VEZF1: variants seen among roughly 807,000 people sequenced by gnomAD.
The protein encoded by VEZF1 is vascular endothelial zinc finger 1.
A neutral mutation model predicts 44.1 loss-of-function variants in VEZF1; 5 were observed. The observed-to-expected ratio is 0.11, with a 90% CI of 0.06 to 0.24. The LOEUF (loss-of-function observed/expected upper bound fraction) is 0.24. VEZF1 is among the 10% of genes least tolerant of loss of function. The pLI, the probability that VEZF1 is intolerant of heterozygous loss-of-function variation, is 1.00. For missense variants in VEZF1, 358 were observed against 641.8 expected (o/e 0.56, Z 4.78); for synonymous variants, 236 against 233.1 (o/e 1.01, Z -0.11).
intron 3 of VEZF1, 112 bp downstream of exon 3, chr17:57,981,761 C>T (rs2075251532): frequency 1.1e-6 from 1 of 927,308 alleles, no homozygotes; most frequent in Non-Finnish European, 1.6e-6. Flanking sequence ...GCCACATTTA[C>T]TCAGGTCAGT....
intron 1 of VEZF1, chr17:57,985,421 A>C: frequency 8.2e-7 from 1 of 1,224,640 alleles, no homozygotes; most frequent in Non-Finnish European, 1.0e-6. Flanking sequence ...CCACACTTCT[A>C]CAAGAAGCCT....
At chr17:57,980,498 G>A in intron 4 of VEZF1, 105 bp downstream of exon 4, 1 of 1,120,124 alleles carries the variant, frequency 8.9e-7, no homozygotes, top group South Asian at 1.5e-5. Flanking sequence ...TTGGCAATAG[G>A]AGGAAACACG....
intron 1 of VEZF1, among the ~76,000 whole-genome samples, chr17:57,983,780 G>A (rs1235317551): frequency 1.3e-5 from 2 of 152,150 alleles, no homozygotes; most frequent in Non-Finnish European, 2.9e-5. Context: ...GTACCTTACT[G>A]CAGCAATACA....
chr17:57,983,448 A>C (rs1304925717), intron 1 of VEZF1, 55 bp from the exon 2 acceptor site: 1 of 1,445,378 alleles, frequency 6.9e-7, no homozygotes, highest in East Asian at 2.3e-5. Flanking sequence ...GGCCTTCGAA[A>C]TTCAACATGC....
intron 1 of VEZF1, chr17:57,985,216 A>G (rs2075284229): frequency 8.3e-7 from 1 of 1,210,444 alleles, no homozygotes; most frequent in Non-Finnish European, 1.0e-6. Context: ...TTCAACTCTA[A>G]ACAACCATTA....
chr17:57,985,552 T>C, intron 1 of VEZF1: 2 of 647,294 alleles, frequency 3.1e-6, no homozygotes, highest in Non-Finnish European at 3.8e-6. Context: ...GGGTAGGCTT[T>C]TATTTGACTA....
intron 5 of VEZF1, among the ~76,000 whole-genome samples, chr17:57,977,182 T>C (rs1042304799): frequency 4.6e-5 from 7 of 152,116 alleles, no homozygotes; most frequent in South Asian, 2.1e-4. Flanking sequence ...AGTGATGCAA[T>C]TGTAGCTCAC....
At position 57,987,579 on chromosome 17, in the gene VEZF1, A is replaced by C. The variant is rs924521215; in HGVS notation, c.33+500T>G. The stretch of plus-strand genomic sequence containing the variant: ...GTCAACACACGCACGCACACACACA[A>C]AAAGACGAGGAAGGTGAAAAGAGAA... On this transcript the variant is annotated intron_variant, in intron 1 of 5. Transcript: ENST00000581208. Among the ~76,000 whole-genome samples the C allele has an allele frequency of 3.9e-5, 6 of 152,158 alleles. No homozygotes were observed. In the East Asian group the frequency reaches 1.2e-3, roughly 30 times the overall value.
chr17:57,981,927 G>A lies in VEZF1; in HGVS notation c.738C>T (p.His246=). The A allele has an allele frequency of 6.2e-7, 1 of 1,614,138 alleles. No homozygotes were observed. The highest frequency in any genetic ancestry group is 1.3e-5 in the African/African-American group (1 of 75,060). Residue 246 remains histidine (H), a synonymous_variant, in exon 3 of 6, where the codon CAC becomes CAT. Transcript: ENST00000581208. ...VCGKGFSRPD[H]LSCHVKHVHS... is the part of the protein sequence containing the mutation. The stretch of plus-strand genomic sequence containing the variant: ...GGACATGTTTTACATGACAGCTTAA[G>A]TGGTCAGGCCTGTGAAAAAGAGAGT...
rs975926084 is a variant in VEZF1 at position 57,973,128 on chromosome 17, T to C, written c.*1345A>G. 1 of 152,198 alleles carries C rather than the reference T, an allele frequency of 6.6e-6. No homozygotes were observed. The highest frequency in any genetic ancestry group is 1.5e-5 in the Non-Finnish European group (1 of 68,050). 9.4% of individuals were successfully genotyped at this position (152,198 alleles called of 1,614,324 possible). The stretch of plus-strand genomic sequence containing the variant: ...GCTTTAAAAACAATGCGTGGCATGA[T>C]GGTGTAAAGAGTATCTGTTTCCCTA... On this transcript the variant is annotated 3_prime_UTR_variant, in exon 6 of 6. Transcript: ENST00000581208.
intron 4 of VEZF1, among the ~76,000 whole-genome samples, chr17:57,979,970 CA>C (rs11359148): frequency 0.29 from 20,037 of 68,544 alleles, 2,191 homozygotes; most frequent in African/African-American, 0.48. Flanking sequence ...GACTCCGTCT[CA>C]AAAAAAAAAA....
At chr17:57,978,210 G>GA (rs889143029) in intron 5 of VEZF1, among the ~76,000 whole-genome samples, 3,825 of 117,950 alleles carry the variant, frequency 0.032, 163 homozygotes, top group African/African-American at 0.1. Flanking sequence ...GTCTAAAAAA[G>GA]AAAAAAAAAA....
chr17:57,985,497 C>T, intron 1 of VEZF1: 1 of 1,171,682 alleles, frequency 8.5e-7, no homozygotes, highest in East Asian at 3.3e-5. Context: ...ATAACAACCA[C>T]GGCCAGCCTT....
intron 1 of VEZF1, among the ~76,000 whole-genome samples, chr17:57,987,846 G>A (rs915736725): frequency 1.3e-5 from 2 of 151,900 alleles, no homozygotes; most frequent in African/African-American, 4.8e-5. Context: ...TGTGCTGGGG[G>A]GCCCCCGGGT....
In VEZF1 at chr17:57,973,170, T is replaced by C. The variant is rs2075154001; in HGVS notation, c.*1303A>G. ...GTTTCCCTAGCTTTTGGTTTCTACT[T>C]TATGTACAGAGATAAAATATCTTGC... On this transcript the variant is annotated 3_prime_UTR_variant, in exon 6 of 6. Transcript: ENST00000581208. 1 of 152,150 alleles carries C rather than the reference T, an allele frequency of 6.6e-6. No individual in the cohort carries two copies. Among genetic ancestry groups the C allele is most frequent in the South Asian group, 2.1e-4 (1 of 4,824 alleles). The allele number at this position is 152,150 out of a possible 1,614,324, so 9.4% of individuals were successfully genotyped here.
In VEZF1 at chr17:57,971,966, G is replaced by GTACCCCT; in HGVS notation, c.*2500_*2506dup. The GTACCCCT allele has an allele frequency of 6.6e-6, 1 of 152,482 alleles. No homozygotes were observed. The highest frequency in any genetic ancestry group is 1.5e-5 in the Non-Finnish European group (1 of 68,002). 9.4% of individuals were successfully genotyped at this position (152,482 alleles called of 1,614,324 possible). A position where few individuals can be genotyped will look rare whatever the true frequency, so the allele number is the denominator to read the frequency against. The stretch of plus-strand genomic sequence containing the variant: ...AGAATTTCATCACACAACCTATTCG[G>GTACCCCT]TACCCCTTTTCAGTGGCCCACCCAA... On this transcript the variant is annotated 3_prime_UTR_variant, in exon 6 of 6. Coordinates refer to ENST00000581208, the MANE Select transcript of VEZF1 (RefSeq NM_007146.3).
Position 57,979,329 on chromosome 17 carries a change from A to G in VEZF1, c.977-16T>C. On this transcript the variant is annotated splice_polypyrimidine_tract_variant and intron_variant, in intron 4 of 5. Transcript: ENST00000581208. ...CTCATGCATGCTATTACAAAGACAA[A>G]CCAAAAACACTGTATCTACCTGTAA... is the stretch of plus-strand genomic sequence containing the variant. 6.2e-7 allele frequency: 1 copy of G among 1,612,674 alleles called. No homozygotes were observed. The highest frequency in any genetic ancestry group is 1.3e-5 in the African/African-American group (1 of 74,832).
chr17:57,983,606 T>G (rs557268192), intron 1 of VEZF1, among the ~76,000 whole-genome samples: 1 of 152,372 alleles, frequency 6.6e-6, no homozygotes, highest in East Asian at 1.9e-4. Context: ...GCAACTAAGT[T>G]GCTGACAGTG....
intron 1 of VEZF1, 60 bp downstream of exon 1, chr17:57,988,019 G>GCCCC (rs2075317144): frequency 5.1e-6 from 1 of 197,950 alleles, no homozygotes; most frequent in South Asian, 1.7e-4. Flanking sequence ...CCGCCCGCCC[G>GCCCC]CCAGCCCGGG....
Sources: allele counts gnomAD v4.1 joint callset (sites outside exome capture counted in the v4.1 genomes callset), GRCh38; gene constraint gnomAD v4.1.1; transcripts MANE v1.5; gene names NCBI Gene and HGNC (gene_info 2026-07-23, HGNC 2026-07-21).